The following OTUD7A variants were observed in gnomAD, a reference collection of about 807,000 sequenced individuals.
The protein encoded by OTUD7A is OTU domain-containing protein 7A.
A neutral mutation model predicts 65.7 loss-of-function variants in OTUD7A; 12 were observed. The observed-to-expected ratio is 0.18, with a 90% CI of 0.12 to 0.30. The LOEUF is 0.30. OTUD7A is among the 10% of genes least tolerant of loss of function. The pLI, the probability that OTUD7A is intolerant of heterozygous loss-of-function variation, is 1.00. For synonymous variants in OTUD7A, 641 were observed against 586.3 expected (o/e 1.09, Z -1.35); for missense variants, 1,148 against 1,304.8 (o/e 0.88, Z 1.85).
At chr15:31,768,414 T>C (rs1895144899) in intron 1 of OTUD7A, among the ~76,000 whole-genome samples, 1 of 152,130 alleles carries the variant, frequency 6.6e-6, no homozygotes, top group African/African-American at 2.4e-5. Flanking sequence ...ATCCTAGCAC[T>C]TGGGGAGGCC....
At chr15:31,819,672 T>A (rs1052229215) in intron 1 of OTUD7A, among the ~76,000 whole-genome samples, 1 of 152,094 alleles carries the variant, frequency 6.6e-6, no homozygotes, top group Non-Finnish European at 1.5e-5. Context: ...CCACTTCATT[T>A]TTATACAAAC....
chr15:31,590,684 T>G (rs1165820804), intron 3 of OTUD7A, among the ~76,000 whole-genome samples: 1 of 152,264 alleles, frequency 6.6e-6, no homozygotes, highest in Non-Finnish European at 1.5e-5. Context: ...AAGTGAATTC[T>G]TAAGTATTTC....
chr15:31,748,427 C>T (rs895959551), intron 1 of OTUD7A, among the ~76,000 whole-genome samples: 20 of 150,848 alleles, frequency 1.3e-4, no homozygotes, highest in African/African-American at 4.9e-4. Context: ...ATATATGACA[C>T]ACCATATATA....
At chr15:31,759,793 G>A (rs949699498) in intron 1 of OTUD7A, among the ~76,000 whole-genome samples, 1 of 152,100 alleles carries the variant, frequency 6.6e-6, no homozygotes, top group Non-Finnish European at 1.5e-5. Context: ...CTCCCAAAGT[G>A]CTGGATTACA....
chr15:31,591,393 T>C (rs1002991396), intron 3 of OTUD7A, among the ~76,000 whole-genome samples: 1 of 152,156 alleles, frequency 6.6e-6, no homozygotes, highest in African/African-American at 2.4e-5. Context: ...GTGAGGGTAT[T>C]TCTGGATGAG....
intron 1 of OTUD7A, among the ~76,000 whole-genome samples, chr15:31,865,731 C>G (rs1897860875): frequency 6.6e-6 from 1 of 152,186 alleles, no homozygotes; most frequent in African/African-American, 2.4e-5. Context: ...AAACCTTTGT[C>G]TCAGTAACTG....
chr15:31,749,687 T>A (rs527618364), intron 1 of OTUD7A, among the ~76,000 whole-genome samples: 7 of 152,160 alleles, frequency 4.6e-5, no homozygotes, highest in Admixed American at 3.3e-4. Context: ...TTCAACATAG[T>A]GCTGGAAGTC....
rs1891961341 is a variant in OTUD7A, at chr15:31,655,387, G to T, written c.-4-137C>A. On this transcript the variant is annotated intron_variant, in intron 2 of 12. Coordinates refer to ENST00000307050, the MANE Select transcript of OTUD7A (RefSeq NM_001382637.1). ...ACCTGCTGTCATATTTTTTAGAATT[G>T]GTTTGGTCCAACTGCCTGATTCTTC... is the stretch of plus-strand genomic sequence containing the variant. The T allele has an allele frequency of 2.8e-5, 15 of 544,920 alleles. No individual in the cohort carries two copies. In the East Asian group the frequency reaches 4.4e-4, roughly 16 times the overall value. The allele number at this position is 544,920 out of a possible 1,614,324, so 33.8% of individuals were successfully genotyped here.
intron 3 of OTUD7A, among the ~76,000 whole-genome samples, chr15:31,617,357 G>A (rs1890622419): frequency 6.6e-6 from 1 of 152,080 alleles, no homozygotes; most frequent in African/African-American, 2.4e-5. Flanking sequence ...CGTGGTGGCA[G>A]GTGCCTGTAG....
chr15:31,741,535 C>T (rs769724258), intron 1 of OTUD7A, among the ~76,000 whole-genome samples: 15 of 151,876 alleles, frequency 9.9e-5, no homozygotes, highest in East Asian at 1.9e-4. Flanking sequence ...ATGTTAGAAA[C>T]GTAAGTAAAA....
At chr15:31,583,803 G>A (rs1197775454) in intron 3 of OTUD7A, among the ~76,000 whole-genome samples, 1 of 152,032 alleles carries the variant, frequency 6.6e-6, no homozygotes, top group Non-Finnish European at 1.5e-5. Flanking sequence ...CTCATGAGGT[G>A]TCCATGACCT....
At chr15:31,823,730 G>A (rs1287442705) in intron 1 of OTUD7A, among the ~76,000 whole-genome samples, 1 of 152,170 alleles carries the variant, frequency 6.6e-6, no homozygotes, top group Non-Finnish European at 1.5e-5. Context: ...CTAAAACTCA[G>A]AAGAGAAATT....
chr15:31,719,053 A>C (rs1199792682), intron 1 of OTUD7A, among the ~76,000 whole-genome samples: 2 of 151,958 alleles, frequency 1.3e-5, no homozygotes, highest in Non-Finnish European at 2.9e-5. Context: ...GAAATGCATT[A>C]TTGGTTCACA....
intron 3 of OTUD7A, among the ~76,000 whole-genome samples, chr15:31,574,003 A>AGATATACT (rs752157674): frequency 1.3e-5 from 2 of 152,206 alleles, no homozygotes; most frequent in Non-Finnish European, 2.9e-5. Flanking sequence ...AACAGACAAA[A>AGATATACT]GATATACTAT....
chr15:31,743,882 G>C (rs796424024), intron 1 of OTUD7A, among the ~76,000 whole-genome samples: 1 of 151,552 alleles, frequency 6.6e-6, no homozygotes, highest in African/African-American at 2.4e-5. Context: ...AGGGAAAGAG[G>C]GAAAGCAGGA....
At chr15:31,632,021 G>C (rs1375942067) in intron 3 of OTUD7A, among the ~76,000 whole-genome samples, 2 of 151,908 alleles carry the variant, frequency 1.3e-5, no homozygotes, top group Non-Finnish European at 2.9e-5. Flanking sequence ...TAACTTCTTT[G>C]CCATTGGTTT....
chr15:31,608,342 C>T (rs1245090430), intron 3 of OTUD7A, among the ~76,000 whole-genome samples: 1 of 152,070 alleles, frequency 6.6e-6, no homozygotes, highest in East Asian at 1.9e-4. Flanking sequence ...AATAAGAACT[C>T]GGTGCATATG....
chr15:31,729,805 C>T (rs1465755479), intron 1 of OTUD7A, among the ~76,000 whole-genome samples: 1 of 152,170 alleles, frequency 6.6e-6, no homozygotes, highest in Non-Finnish European at 1.5e-5. Flanking sequence ...TGTCAGATTT[C>T]TTAACCTTCC....
intron 8 of OTUD7A, among the ~76,000 whole-genome samples, chr15:31,523,368 G>A (rs2041964583): frequency 6.6e-6 from 1 of 152,246 alleles, no homozygotes; most frequent in Admixed American, 6.5e-5. Flanking sequence ...TCCCAGTGCT[G>A]ACCTGCTGTC....
Sources: gnomAD v4.1 joint callset for allele counts (sites outside exome capture counted in the v4.1 genomes callset) on GRCh38, gnomAD v4.1.1 for gene constraint, MANE v1.5 for transcripts, NCBI Gene and HGNC (gene_info 2026-07-23, HGNC 2026-07-21) for gene names.